The following QRFPR variants were observed in gnomAD, a reference collection of about 807,000 sequenced individuals.
The protein encoded by QRFPR is pyroglutamylated RFamide peptide receptor, also known as pyroglutamylated RF-amide peptide receptor.
Under a neutral mutation model 31.3 loss-of-function variants are expected in QRFPR, and 37 were observed. The ratio of observed to expected loss-of-function variants is 1.18; its 90% CI spans 0.91 to 1.56. The LOEUF (loss-of-function observed/expected upper bound fraction) is 1.56, where lower values mean the gene tolerates loss of function less well. Ranked by LOEUF, QRFPR falls within the 40% of genes most tolerant of loss-of-function variation. The pLI, the probability that QRFPR is intolerant of heterozygous loss-of-function variation, is 0.00. For missense variants in QRFPR, 542 were observed against 532.5 expected (o/e 1.02, Z -0.18); for synonymous variants, 197 against 192.0 (o/e 1.03, Z -0.22).
chr4:121,355,786 TA>T (rs890239379), intron 1 of QRFPR, among the ~76,000 whole-genome samples: 4 of 151,800 alleles, frequency 2.6e-5, no homozygotes, highest in Non-Finnish European at 4.4e-5. Flanking sequence ...TAAGAAATTT[TA>T]AAAAAAACTT....
chr4:121,371,343 T>C (rs566460748), intron 1 of QRFPR, among the ~76,000 whole-genome samples: 3 of 152,250 alleles, frequency 2.0e-5, no homozygotes, highest in East Asian at 3.9e-4. Flanking sequence ...ATGAAACAAA[T>C]AGTATAGCTT....
chr4:121,348,869 G>C (rs374432709), intron 1 of QRFPR, among the ~76,000 whole-genome samples: 1 of 152,050 alleles, frequency 6.6e-6, no homozygotes. Context: ...AGGCCGAGGC[G>C]GGCTGATCAT....
intron 1 of QRFPR, among the ~76,000 whole-genome samples, chr4:121,370,614 A>G (rs1209621111): frequency 2.0e-5 from 3 of 152,334 alleles, no homozygotes; most frequent in East Asian, 3.9e-4. Flanking sequence ...CCATGGTGAG[A>G]GTGGCAGTGA....
intron 1 of QRFPR, among the ~76,000 whole-genome samples, chr4:121,356,931 A>G (rs1010267672): frequency 6.6e-6 from 1 of 152,054 alleles, no homozygotes; most frequent in Non-Finnish European, 1.5e-5. Flanking sequence ...GAGGGGGTCT[A>G]TTCTTTCTTG....
intron 3 of QRFPR, 85 bp downstream of exon 3, chr4:121,336,722 C>T: frequency 3.7e-6 from 4 of 1,083,224 alleles, no homozygotes; most frequent in Non-Finnish European, 5.8e-6. Flanking sequence ...TGCTGTATTG[C>T]TCCTGCAGGA....
intron 3 of QRFPR, among the ~76,000 whole-genome samples, chr4:121,336,376 A>G (rs915072372): frequency 2.6e-5 from 4 of 152,226 alleles, no homozygotes; most frequent in African/African-American, 7.2e-5. Context: ...CAATGTGTCA[A>G]TGAATAGGAG....
rs375820962 is a variant in QRFPR, at chr4:121,373,376, G to A, written c.340+6932C>T. ...CATCTTTTCTTCTCAAAGTGTGCAC[G>A]TAATTGATTCTAGGAAAGATCAACC... is the stretch of plus-strand genomic sequence containing the variant. On this transcript the variant is annotated intron_variant, in intron 1 of 5. Transcript: ENST00000394427. Among the ~76,000 whole-genome samples the A allele has an allele frequency of 7.2e-5, 11 of 152,268 alleles. No homozygotes were observed. The South Asian group carries it at 2.3e-3, about 32-fold the overall frequency.
chr4:121,341,072 C>T (rs553187285), intron 1 of QRFPR, among the ~76,000 whole-genome samples: 183 of 152,190 alleles, frequency 1.2e-3, no homozygotes, highest in Admixed American at 2.0e-3. Context: ...GACTCCCTGC[C>T]TAAGACTTTA....
rs115259588 is a variant in QRFPR at position 121,361,108 on chromosome 4, C to T, written c.340+19200G>A. ...TCTCACAGATTTAACTCTGAAAATC[C>T]AGCCACACGCTACAGAAACGAGAAA... is the stretch of plus-strand genomic sequence containing the variant. On this transcript the variant is annotated intron_variant, in intron 1 of 5. Transcript: ENST00000394427. Among the ~76,000 whole-genome samples the T allele has an allele frequency of 3.8e-3, 509 of 133,554 alleles. 40 individuals carry two copies. Among genetic ancestry groups the T allele is most frequent in the African/African-American group, 0.014 (479 of 35,282 alleles). 87.6% of individuals were successfully genotyped at this position (133,554 alleles called of 152,430 possible).
chr4:121,353,719 T>C (rs1395035365), intron 1 of QRFPR, among the ~76,000 whole-genome samples: 7 of 152,112 alleles, frequency 4.6e-5, no homozygotes, highest in African/African-American at 1.7e-4. Flanking sequence ...TAGCTTGATG[T>C]GATCCCATTT....
intron 5 of QRFPR, among the ~76,000 whole-genome samples, chr4:121,329,950 G>T (rs1297893257): frequency 2.6e-5 from 4 of 152,162 alleles, no homozygotes; most frequent in Non-Finnish European, 5.9e-5. Flanking sequence ...ATAGTAGGGG[G>T]CTTATAGCAT....
At chr4:121,338,475 G>A (rs1051438360) in intron 2 of QRFPR, among the ~76,000 whole-genome samples, 3 of 152,184 alleles carry the variant, frequency 2.0e-5, no homozygotes, top group Non-Finnish European at 4.4e-5. Context: ...ACACAAATTT[G>A]TAAACTTTTA....
intron 3 of QRFPR, among the ~76,000 whole-genome samples, chr4:121,335,450 C>A (rs1046268976): frequency 3.3e-5 from 5 of 151,802 alleles, no homozygotes; most frequent in Non-Finnish European, 5.9e-5. Context: ...AGTCCTGAAG[C>A]AAACAATCAG....
At position 121,336,789 on chromosome 4, in the gene QRFPR, A is replaced by G; in HGVS notation, c.561+18T>C. 1 of 1,585,994 alleles carries G rather than the reference A, an allele frequency of 6.3e-7. No individual in the cohort carries two copies. Among genetic ancestry groups the G allele is most frequent in the Non-Finnish European group, 8.7e-7 (1 of 1,154,316 alleles). ...AAATAGTTCAACAATATGATTATAC[A>G]TCTCAACTGGAGTCTACCTCAAGTT... On this transcript the variant is annotated intron_variant, in intron 3 of 5. Coordinates refer to ENST00000394427, the MANE Select transcript of QRFPR (RefSeq NM_198179.3).
At chr4:121,348,324 ATTC>A (rs1472580591) in intron 1 of QRFPR, among the ~76,000 whole-genome samples, 1 of 152,190 alleles carries the variant, frequency 6.6e-6, no homozygotes, top group Non-Finnish European at 1.5e-5. Flanking sequence ...TGCATTAGCT[ATTC>A]TTATTATCAT....
At chr4:121,337,796 G>A (rs552877149) in intron 2 of QRFPR, among the ~76,000 whole-genome samples, 19 of 152,080 alleles carry the variant, frequency 1.2e-4, no homozygotes, top group Admixed American at 3.9e-4. Context: ...TGTCTTCCAC[G>A]AACTTGTTGA....
intron 1 of QRFPR, among the ~76,000 whole-genome samples, chr4:121,356,715 C>T (rs1159310945): frequency 2.0e-5 from 3 of 152,146 alleles, no homozygotes; most frequent in African/African-American, 4.8e-5. Flanking sequence ...AGCTACCAGA[C>T]AAAGTCTCCA....
At chr4:121,369,165 A>G (rs1726184136) in intron 1 of QRFPR, among the ~76,000 whole-genome samples, 1 of 152,084 alleles carries the variant, frequency 6.6e-6, no homozygotes, top group South Asian at 2.1e-4. Context: ...AGTAGCTGGG[A>G]CTATAGGCAC....
chr4:121,333,043 A>G lies in QRFPR; in HGVS notation c.575T>C (p.Phe192Ser), dbSNP rs925822475. Residue 192 changes from phenylalanine (F) to serine (S), a missense_variant, in exon 4 of 6, where the codon TTC becomes TCC. Transcript: ENST00000394427. The stretch of plus-strand genomic sequence containing the variant: ...GCAGATGTGTTCCTTTTCATATAGG[A>G]AGTCATATTTGATCTTCATAATAAG... Reference protein sequence around the residue: ...HVQQLEIKYDFLYEKEHICCL... With the variant: ...HVQQLEIKYDSLYEKEHICCL... 6.2e-7 allele frequency: 1 copy of G among 1,609,582 alleles called. No homozygotes were observed. The highest frequency in any genetic ancestry group is 1.3e-5 in the African/African-American group (1 of 74,812).
Sources: allele counts gnomAD v4.1 joint callset (sites outside exome capture counted in the v4.1 genomes callset), GRCh38; gene constraint gnomAD v4.1.1; transcripts MANE v1.5; gene names NCBI Gene and HGNC (gene_info 2026-07-23, HGNC 2026-07-21).